The following UNC5B variants were observed in gnomAD, a reference collection of about 807,000 sequenced individuals.
The protein encoded by UNC5B is unc-5 netrin receptor B.
In UNC5B, 56 loss-of-function variants were observed where a neutral mutation model predicts 103.7. The ratio of observed to expected loss-of-function variants is 0.54; its 90% CI spans 0.44 to 0.67. The LOEUF (loss-of-function observed/expected upper bound fraction) is 0.67, where lower values mean the gene tolerates loss of function less well. Among genes scored for constraint, UNC5B ranks in the 30% least tolerant of loss-of-function variants. The pLI is 0.00. For synonymous variants in UNC5B, 577 were observed against 542.0 expected (o/e 1.06, Z -0.90); for missense variants, 1,194 against 1,284.5 (o/e 0.93, Z 1.08).
chr10:71,255,834 A>G (rs1844277873), intron 1 of UNC5B, among the ~76,000 whole-genome samples: 1 of 152,238 alleles, frequency 6.6e-6, no homozygotes, highest in Non-Finnish European at 1.5e-5. Context: ...ATCCGAAGCC[A>G]AAGGGCTGTC....
At chr10:71,237,710 C>G (rs1434888390) in intron 1 of UNC5B, among the ~76,000 whole-genome samples, 1 of 152,202 alleles carries the variant, frequency 6.6e-6, no homozygotes, top group African/African-American at 2.4e-5. Context: ...AGCCTGTGGC[C>G]TCTATAGGAT....
intron 1 of UNC5B, among the ~76,000 whole-genome samples, chr10:71,226,471 T>C (rs113462477): frequency 6.6e-5 from 10 of 152,366 alleles, no homozygotes; most frequent in South Asian, 4.1e-4. Context: ...CCATCCTGTC[T>C]CCTTCATTTG....
At chr10:71,216,536 C>T (rs1185079837) in intron 1 of UNC5B, among the ~76,000 whole-genome samples, 2 of 152,222 alleles carry the variant, frequency 1.3e-5, no homozygotes, top group Non-Finnish European at 2.9e-5. Context: ...AGCCAAGCTC[C>T]CTTGGGCTGC....
intron 1 of UNC5B, among the ~76,000 whole-genome samples, chr10:71,222,009 C>G (rs1333256046): frequency 2.0e-5 from 3 of 152,176 alleles, no homozygotes; most frequent in Non-Finnish European, 2.9e-5. Context: ...TCATCATCAT[C>G]ATCATCATCA....
chr10:71,260,462 G>A (rs771871408), intron 1 of UNC5B, among the ~76,000 whole-genome samples: 31 of 152,184 alleles, frequency 2.0e-4, no homozygotes, highest in Non-Finnish European at 4.0e-4. Flanking sequence ...AATGCCCTCC[G>A]GTCCAGGCCC....
rs150240592 is a variant in UNC5B, at chr10:71,284,859, C to T, written c.444C>T (p.Ile148=). 4.8e-4 allele frequency: 769 copies of T among 1,600,398 alleles called. 2 individuals carry two copies. Among genetic ancestry groups the T allele is most frequent in the Middle Eastern group, 3.3e-4 (2 of 5,996 alleles). The part of the protein sequence containing the change: ...TTKSRRAYVR[I]AYLRKNFDQE... The stretch of plus-strand genomic sequence containing the variant: ...AGAGTCGCCGAGCCTACGTCCGCAT[C>T]GCCTGTACGCCACCCTGACCCCCAC... Residue 148 remains isoleucine (I), a synonymous_variant, in exon 3 of 17, where the codon ATC becomes ATT. Coordinates refer to ENST00000335350, the MANE Select transcript of UNC5B (RefSeq NM_170744.5).
In UNC5B at chr10:71,302,791, A is replaced by G. The variant is rs1016648484; in HGVS notation, c.*3514A>G. ...GTTTATTCTGTAAACTGCAACCTAT[A>G]AATAACCTTTAGCATTCCTATTGTA... is the stretch of plus-strand genomic sequence containing the variant. On this transcript the variant is annotated 3_prime_UTR_variant, in exon 17 of 17. Transcript: ENST00000335350. 4 of 152,148 alleles carry G rather than the reference A, an allele frequency of 2.6e-5. No homozygotes were observed. The highest frequency in any genetic ancestry group is 7.2e-5 in the African/African-American group (3 of 41,408). The allele number at this position is 152,148 out of a possible 1,614,324, so 9.4% of individuals were successfully genotyped here.
chr10:71,269,634 C>T lies in UNC5B; in HGVS notation c.80-10187C>T, dbSNP rs115174040. Among the ~76,000 whole-genome samples, 476 of 151,672 alleles carry T rather than the reference C, an allele frequency of 3.1e-3. 1 individual carries two copies. The highest frequency in any genetic ancestry group is 0.01 in the African/African-American group (418 of 41,294). On this transcript the variant is annotated intron_variant, in intron 1 of 16. Coordinates refer to ENST00000335350, the MANE Select transcript of UNC5B (RefSeq NM_170744.5). Reference sequence around the variant, plus strand: ...TCCACCTGCCACCCCAGTGCTTGTCCTGTGTCCCCAGTGGGCCCATCTACA... The same window carrying T: ...TCCACCTGCCACCCCAGTGCTTGTCTTGTGTCCCCAGTGGGCCCATCTACA...
chr10:71,259,304 A>G (rs768293081), intron 1 of UNC5B, among the ~76,000 whole-genome samples: 2 of 151,232 alleles, frequency 1.3e-5, no homozygotes, highest in Non-Finnish European at 2.9e-5. Flanking sequence ...CAGGAGAATC[A>G]TTTGAACCCG....
At chr10:71,274,090 C>T (rs897345223) in intron 1 of UNC5B, among the ~76,000 whole-genome samples, 1 of 152,152 alleles carries the variant, frequency 6.6e-6, no homozygotes, top group East Asian at 1.9e-4. Flanking sequence ...AGGCTGGGTG[C>T]GGTGGCTCAT....
intron 1 of UNC5B, 73 bp from the exon 2 acceptor site, chr10:71,279,748 C>G (rs904080039): frequency 1.5e-5 from 22 of 1,506,160 alleles, no homozygotes; most frequent in Middle Eastern, 4.6e-4. Context: ...GCGGTGGGCC[C>G]CCGGGGTGGG....
In UNC5B at chr10:71,291,683, G is replaced by T. The variant is rs10509332; in HGVS notation, c.1546G>T (p.Ala516Ser). 5.6e-6 allele frequency: 9 copies of T among 1,613,272 alleles called. No homozygotes were observed. The highest frequency in any genetic ancestry group is 1.6e-4 in the Middle Eastern group (1 of 6,084). ...GCCTGGCACATACCCTAGCGATTTCGCCCGGGACACCCACTTCCTGCACCT... is the reference window on the plus strand; with the variant it reads ...GCCTGGCACATACCCTAGCGATTTCTCCCGGGACACCCACTTCCTGCACCT... The part of the protein sequence containing the change: ...LPPGTYPSDF[A>S]RDTHFLHLRS... The change falls in exon 10 of 17, where the codon GCC becomes TCC. Residue 516 changes from alanine (A) to serine (S), a missense_variant. Transcript: ENST00000335350.
intron 2 of UNC5B, among the ~76,000 whole-genome samples, chr10:71,281,758 G>A (rs1382209371): frequency 2.6e-5 from 4 of 152,254 alleles, no homozygotes; most frequent in Non-Finnish European, 4.4e-5. Context: ...TCTTCTCTTC[G>A]TAAACTGGGA....
intron 1 of UNC5B, among the ~76,000 whole-genome samples, chr10:71,258,768 T>G (rs73276383): frequency 2.0e-5 from 3 of 152,088 alleles, no homozygotes; most frequent in Non-Finnish European, 2.9e-5. Flanking sequence ...GTCACCAAGG[T>G]CCCCACCCTG....
chr10:71,269,752 A>G (rs1366383982), intron 1 of UNC5B, among the ~76,000 whole-genome samples: 1 of 152,002 alleles, frequency 6.6e-6, no homozygotes. Context: ...TTACAAACAC[A>G]TACACAAAGC....
intron 2 of UNC5B, 112 bp from the exon 3 acceptor site, chr10:71,284,608 A>T: frequency 6.7e-7 from 1 of 1,483,242 alleles, no homozygotes; most frequent in Non-Finnish European, 9.1e-7. Flanking sequence ...ATGGAGGGAA[A>T]GGCACTTGGG....
chr10:71,285,547 G>A lies in UNC5B; in HGVS notation c.552+118G>A, dbSNP rs934017973. ...AGTCTCCCAGAGCCCTGCCCCTTTC[G>A]CAGATGAGATCGAGGCTTAGCACAG... On this transcript the variant is annotated intron_variant, in intron 4 of 16. Transcript: ENST00000335350. 30 of 878,378 alleles carry A rather than the reference G, an allele frequency of 3.4e-5. No homozygotes were observed. The Admixed American group carries it at 4.0e-4, about 12-fold the overall frequency. The allele number at this position is 878,378 out of a possible 1,614,324, so 54.4% of individuals were successfully genotyped here. A position where few individuals can be genotyped will look rare whatever the true frequency, so the allele number is the denominator to read the frequency against.
chr10:71,281,120 CCTT>C (rs1360926612), intron 2 of UNC5B, among the ~76,000 whole-genome samples: 1 of 152,088 alleles, frequency 6.6e-6, no homozygotes, highest in Non-Finnish European at 1.5e-5. Flanking sequence ...CTTCTTTCCC[CCTT>C]CTTTAGTTTC....
chr10:71,293,384 C>G (rs759982538), intron 11 of UNC5B, 21 bp from the exon 12 acceptor site: 1 of 1,604,450 alleles, frequency 6.2e-7, no homozygotes, highest in African/African-American at 1.3e-5. Flanking sequence ...TGCCTCTCTC[C>G]TACCCTGTGT....
Sources: allele counts gnomAD v4.1 joint callset (sites outside exome capture counted in the v4.1 genomes callset), GRCh38; gene constraint gnomAD v4.1.1; transcripts MANE v1.5; gene names NCBI Gene and HGNC (gene_info 2026-07-23, HGNC 2026-07-21).